The following NPC1 variants were observed in gnomAD, a reference collection of about 807,000 sequenced individuals.
NPC1 encodes the protein NPC intracellular cholesterol transporter 1, also known as Niemann-Pick C1 protein.
Under a neutral mutation model 140.4 loss-of-function variants are expected in NPC1, and 85 were observed. That is an observed-to-expected ratio of 0.61 (90% CI 0.51 to 0.72). The LOEUF (loss-of-function observed/expected upper bound fraction) is 0.72, where lower values mean the gene tolerates loss of function less well. Among genes scored for constraint, NPC1 ranks in the 30% least tolerant of loss-of-function variants. NPC1 has a pLI of 0.00. For missense variants in NPC1, 1,504 were observed against 1,623.8 expected, an observed-to-expected ratio of 0.93 and a Z score of 1.27; for synonymous variants, 656 against 624.8, an observed-to-expected ratio of 1.05 and a Z score of -0.74.
chr18:23,514,291 G>T (rs1019081406), intron 3 of NPC1, among the ~76,000 whole-genome samples: 1 of 152,190 alleles, frequency 6.6e-6, no homozygotes, highest in Admixed American at 6.5e-5. Context: ...CGAGGTGGGC[G>T]ATCATCTGAG....
chr18:23,558,982 T>C (rs1228896838), intron 6 of NPC1, among the ~76,000 whole-genome samples: 3 of 152,244 alleles, frequency 2.0e-5, no homozygotes, highest in Admixed American at 6.5e-5. Flanking sequence ...GTTTGGTTTT[T>C]TGTCCTTGCG....
chr18:23,549,418 ACC>A (rs1393951373), intron 10 of NPC1, among the ~76,000 whole-genome samples: 2 of 152,240 alleles, frequency 1.3e-5, no homozygotes, highest in East Asian at 3.9e-4. Context: ...TGGGTGGATC[ACC>A]TTAGGTCAGG....
intron 4 of NPC1, among the ~76,000 whole-genome samples, chr18:23,567,170 A>AT (rs2059137437): frequency 6.6e-6 from 1 of 152,204 alleles, no homozygotes; most frequent in Admixed American, 6.5e-5. Context: ...GGGTAGACAC[A>AT]TTTTTAACTC....
intron 9 of NPC1, among the ~76,000 whole-genome samples, chr18:23,551,953 T>G (rs2058879004): frequency 6.6e-6 from 1 of 152,134 alleles, no homozygotes; most frequent in Admixed American, 6.5e-5. Context: ...TGGCACATGG[T>G]GCATGGCGCT....
chr18:23,573,513 T>C lies in NPC1; in HGVS notation c.119A>G (p.Tyr40Cys). ...TGGTGGGCCAGAATATTCGCAATTG[T>C]ACCTCTTGTCCCCATATGCAATTCC... ...ECGIAYGDKR[Y>C]NCEYSGPPKP... The change falls in exon 2 of 25, where the codon TAC (tyrosine) becomes TGC (cysteine). Residue 40 changes from tyrosine to cysteine, a missense_variant. By Grantham distance (194) the Tyr-to-Cys change is radical. Coordinates refer to ENST00000269228, the MANE Select transcript of NPC1 (RefSeq NM_000271.5). The C allele has an allele frequency of 6.2e-7, 1 of 1,614,164 alleles. No individual in the cohort carries two copies. The highest frequency in any genetic ancestry group is 8.5e-7 in the Non-Finnish European group (1 of 1,180,000).
chr18:23,549,595 C>T (rs1192953501), intron 10 of NPC1, among the ~76,000 whole-genome samples: 1 of 152,084 alleles, frequency 6.6e-6, no homozygotes, highest in Non-Finnish European at 1.5e-5. Context: ...GCCGAGATCA[C>T]ACCACCGCAC....
chr18:23,512,791 T>C (rs2057897855), intron 3 of NPC1, among the ~76,000 whole-genome samples: 1 of 152,144 alleles, frequency 6.6e-6, no homozygotes, highest in African/African-American at 2.4e-5. Context: ...TTAACTGTTT[T>C]TAAGTGTTCA....
At chr18:23,563,677 G>A (rs1181805785) in intron 4 of NPC1, among the ~76,000 whole-genome samples, 1 of 152,152 alleles carries the variant, frequency 6.6e-6, no homozygotes, top group Non-Finnish European at 1.5e-5. Flanking sequence ...GCCGTCCGAA[G>A]TGCTGGATTA....
At position 23,544,952 on chromosome 18, in the gene NPC1, C is replaced by CCCCCG. The variant is rs1555634618; in HGVS notation, c.1947+7_1947+8insCGGGG. On this transcript the variant is annotated splice_region_variant and intron_variant, in intron 12 of 24. Coordinates refer to ENST00000269228, the MANE Select transcript of NPC1 (RefSeq NM_000271.5). ...CTCTAGAACATACACCACCCCCCCC[C>CCCCCG]GGCTTACCAGAAGCCTGCGACAGCT... The CCCCCG allele has an allele frequency of 8.1e-4, 1,157 of 1,427,790 alleles. 16 individuals carry two copies. Among genetic ancestry groups the CCCCCG allele is most frequent in the Admixed American group, 6.4e-3 (353 of 55,026 alleles). The allele number at this position is 1,427,790 out of a possible 1,614,324, so 88.4% of individuals were successfully genotyped here.
chr18:23,530,532 A>G (rs757431665), downstream of NPC1: 1 of 1,614,282 alleles, frequency 6.2e-7, no homozygotes, highest in South Asian at 1.1e-5. Context: ...CAGACTGAAG[A>G]CAACATGCTT....
In NPC1 at chr18:23,544,949, C is replaced by CCCCA. The variant is rs778092499; in HGVS notation, c.1947+10_1947+11insTGGG. On this transcript the variant is annotated intron_variant, in intron 12 of 24. Coordinates refer to ENST00000269228, the MANE Select transcript of NPC1 (RefSeq NM_000271.5). ...AACCTCTAGAACATACACCACCCCC[C>CCCCA]CCCGGCTTACCAGAAGCCTGCGACA... 116 of 1,401,886 alleles carry CCCCA rather than the reference C, an allele frequency of 8.3e-5. 2 individuals are homozygous for CCCCA. In the Middle Eastern group the frequency reaches 1.7e-3, roughly 21 times the overall value. 86.8% of individuals were successfully genotyped at this position (1,401,886 alleles called of 1,614,324 possible). A position where few individuals can be genotyped will look rare whatever the true frequency, so the allele number is the denominator to read the frequency against.
At chr18:23,573,081 G>A (rs987317043) in intron 2 of NPC1, among the ~76,000 whole-genome samples, 2 of 152,186 alleles carry the variant, frequency 1.3e-5, no homozygotes, top group East Asian at 1.9e-4. Context: ...GGACAAGGAC[G>A]TCAAAGCCAC....
intron 11 of NPC1, among the ~76,000 whole-genome samples, chr18:23,546,694 CACA>C (rs2058795035): frequency 6.6e-6 from 1 of 152,142 alleles, no homozygotes; most frequent in Non-Finnish European, 1.5e-5. Context: ...TGATACATGC[CACA>C]ACATGAATGA....
chr18:23,533,790 G>C (rs1016002871), intron 23 of NPC1: 3 of 453,470 alleles, frequency 6.6e-6, no homozygotes, highest in Non-Finnish European at 1.2e-5. Context: ...ATAGGCATGA[G>C]CCACCGTGGC....
In NPC1 at chr18:23,554,927, C is replaced by T; in HGVS notation, c.1384G>A (p.Val462Met). Residue 462 changes from valine to methionine, a missense_variant, in exon 9 of 25, where the codon GTG (valine) becomes ATG (methionine). Val to Met is a conservative substitution (Grantham distance 21). Coordinates refer to ENST00000269228, the MANE Select transcript of NPC1 (RefSeq NM_000271.5). Reference sequence around the variant, plus strand: ...GCCAAGCAGATGTCTTGAAGTGTCACAGTCTCATTGTCATAAGAGGCAGTA... The same window carrying T: ...GCCAAGCAGATGTCTTGAAGTGTCATAGTCTCATTGTCATAAGAGGCAGTA... ...NITASYDNET[V>M]TLQDICLAPL... The T allele has an allele frequency of 6.2e-7, 1 of 1,614,154 alleles. No individual in the cohort carries two copies. The highest frequency in any genetic ancestry group is 8.5e-7 in the Non-Finnish European group (1 of 1,179,998).
intron 11 of NPC1, among the ~76,000 whole-genome samples, chr18:23,547,414 C>T (rs1351666054): frequency 6.6e-6 from 1 of 152,132 alleles, no homozygotes; most frequent in Admixed American, 6.5e-5. Flanking sequence ...TTATTAAATA[C>T]ATTCAGCATG....
intron 19 of NPC1, 52 bp downstream of exon 19, chr18:23,539,303 A>T: frequency 7.7e-7 from 1 of 1,299,362 alleles, no homozygotes; most frequent in Non-Finnish European, 1.1e-6. Flanking sequence ...TTTAAATGAT[A>T]ATTTGAAAAT....
chr18:23,559,347 T>C (rs1222718230), intron 6 of NPC1, among the ~76,000 whole-genome samples: 1 of 152,144 alleles, frequency 6.6e-6, no homozygotes, highest in Non-Finnish European at 1.5e-5. Context: ...AATTCTACCA[T>C]TTTGCAACTT....
At chr18:23,570,171 C>G (rs564440175) in intron 3 of NPC1, among the ~76,000 whole-genome samples, 1 of 152,208 alleles carries the variant, frequency 6.6e-6, no homozygotes, top group East Asian at 1.9e-4. Context: ...TTGGGGTACA[C>G]AGTTTTCAAA....
Sources: gnomAD v4.1 joint callset for allele counts (sites outside exome capture counted in the v4.1 genomes callset) on GRCh38, gnomAD v4.1.1 for gene constraint, MANE v1.5 for transcripts, NCBI Gene and HGNC (gene_info 2026-07-23, HGNC 2026-07-21) for gene names.